Variants in KIF14 observed in about 807,000 individuals in gnomAD.
The protein encoded by KIF14 is kinesin-like protein KIF14.
KIF14 carries 98 observed loss-of-function variants against 176.2 expected under a neutral mutation model. That is an observed-to-expected ratio of 0.56 (90% CI 0.47 to 0.66). The LOEUF (loss-of-function observed/expected upper bound fraction) is 0.66, where lower values mean the gene tolerates loss of function less well. Among genes scored for constraint, KIF14 ranks in the 30% least tolerant of loss-of-function variants. The probability of loss-of-function intolerance (pLI) is 0.00; values close to 1 mark genes in which losing one functional copy is unlikely to be tolerated. For missense variants in KIF14, 1,751 were observed against 1,920.4 expected, an observed-to-expected ratio of 0.91 and a Z score of 1.65; for synonymous variants, 566 against 632.2, an observed-to-expected ratio of 0.90 and a Z score of 1.57.
rs756698470 is a variant in KIF14, at chr1:200,602,045, C to A, written c.2003G>T (p.Gly668Val). 6.2e-7 allele frequency: 1 copy of A among 1,612,164 alleles called. No individual in the cohort carries two copies. The highest frequency in any genetic ancestry group is 8.5e-7 in the Non-Finnish European group (1 of 1,179,482). Residue 668 changes from glycine to valine, a missense_variant, in exon 11 of 30, where the codon GGA becomes GTA. By Grantham distance (109) the Gly-to-Val change is moderately radical. Transcript: ENST00000367350. Reference protein sequence around the residue: ...LTWLLKESLGGNSKTAMIATI... With the variant: ...LTWLLKESLGVNSKTAMIATI... The stretch of plus-strand genomic sequence containing the variant: ...AGCAATCATTGCAGTTTTTGAATTT[C>A]CACCCAGACTTTCTTTTAACAGCCT...
intron 23 of KIF14, among the ~76,000 whole-genome samples, chr1:200,569,205 G>A (rs971525843): frequency 2.6e-5 from 4 of 152,062 alleles, no homozygotes; most frequent in African/African-American, 4.8e-5. Context: ...GATTACAGAC[G>A]TGAGCTACTG....
At chr1:200,588,866 G>A (rs936786288) in intron 18 of KIF14, among the ~76,000 whole-genome samples, 1 of 152,222 alleles carries the variant, frequency 6.6e-6, no homozygotes. Flanking sequence ...GTGACATCAG[G>A]ATGTGACCCA....
intron 25 of KIF14, among the ~76,000 whole-genome samples, chr1:200,563,699 T>C (rs1193030175): frequency 6.6e-6 from 1 of 152,176 alleles, no homozygotes; most frequent in East Asian, 1.9e-4. Context: ...TACTCGGCCA[T>C]TAATTTCTTA....
intron 19 of KIF14, among the ~76,000 whole-genome samples, chr1:200,583,272 A>G (rs1658558517): frequency 6.6e-6 from 1 of 152,186 alleles, no homozygotes; most frequent in Non-Finnish European, 1.5e-5. Flanking sequence ...AATATGGAGT[A>G]AATATGTGAT....
At chr1:200,611,699 A>G (rs751440309) in intron 4 of KIF14, among the ~76,000 whole-genome samples, 2 of 152,156 alleles carry the variant, frequency 1.3e-5, no homozygotes, top group Non-Finnish European at 2.9e-5. Context: ...CATGCTCGCT[A>G]TACCACCTTC....
At position 200,594,935 on chromosome 1, in the gene KIF14, C is replaced by T. The variant is rs538934517; in HGVS notation, c.2550-1166G>A. Reference sequence around the variant, plus strand: ...AATGTGTACTTGTTCTGATCCCTTTCCTCTCCTAATTCTATCTACTCTGCT... The same window carrying T: ...AATGTGTACTTGTTCTGATCCCTTTTCTCTCCTAATTCTATCTACTCTGCT... On this transcript the variant is annotated intron_variant, in intron 14 of 29. Coordinates refer to ENST00000367350, the MANE Select transcript of KIF14 (RefSeq NM_014875.3). Among the ~76,000 whole-genome samples, 204 of 152,262 alleles carry T rather than the reference C, an allele frequency of 1.3e-3. 2 individuals are homozygous for T. The highest frequency in any genetic ancestry group is 1.6e-3 in the Non-Finnish European group (107 of 68,022).
chr1:200,594,439 AAC>A (rs1345807260), intron 14 of KIF14, among the ~76,000 whole-genome samples: 2 of 151,828 alleles, frequency 1.3e-5, no homozygotes, highest in Non-Finnish European at 1.5e-5. Context: ...TTATGAATAA[AAC>A]AGTTTTAAGT....
rs1247681637 is a variant in KIF14 at position 200,605,799 on chromosome 1, A to G, written c.1638+65T>C. On this transcript the variant is annotated intron_variant, in intron 7 of 29. Transcript: ENST00000367350. Reference sequence around the variant, plus strand: ...TGTAAAACAGCAATTAAGAAAAAATATTCTTATAAATATTTAGGATTATGC... The same window carrying G: ...TGTAAAACAGCAATTAAGAAAAAATGTTCTTATAAATATTTAGGATTATGC... 1.7e-4 allele frequency: 178 copies of G among 1,027,766 alleles called. 2 individuals are homozygous for G. In the South Asian group the frequency reaches 2.9e-3, roughly 17 times the overall value. 63.7% of individuals were successfully genotyped at this position (1,027,766 alleles called of 1,614,324 possible). A position where few individuals can be genotyped will look rare whatever the true frequency, so the allele number is the denominator to read the frequency against.
intron 15 of KIF14, among the ~76,000 whole-genome samples, chr1:200,592,727 T>C (rs1315239570): frequency 6.6e-6 from 1 of 152,216 alleles, no homozygotes; most frequent in African/African-American, 2.4e-5. Context: ...TTCTGAGAAG[T>C]ACACTGTTAG....
Position 200,556,830 on chromosome 1 carries a change from T to C in KIF14, c.4354-1376A>G, listed in dbSNP as rs113121762. ...GTGCTGCTGCTGAGCAAAACCAAAT[T>C]TGAGACGTCAGTGGTGGTCTGAATG... On this transcript the variant is annotated intron_variant, in intron 27 of 29. Coordinates refer to ENST00000367350, the MANE Select transcript of KIF14 (RefSeq NM_014875.3). Among the ~76,000 whole-genome samples, 6 of 152,286 alleles carry C rather than the reference T, an allele frequency of 3.9e-5. 1 individual carries two copies. Among genetic ancestry groups the C allele is most frequent in the African/African-American group, 1.4e-4 (6 of 41,548 alleles).
rs577303923 is a variant in KIF14, at chr1:200,616,099, C to T, written c.1113-490G>A. On this transcript the variant is annotated intron_variant, in intron 2 of 29. Coordinates refer to ENST00000367350, the MANE Select transcript of KIF14 (RefSeq NM_014875.3). ...CTCTCCTCCTTCCTCTAGATTCTCTCCCTTAAAATCATGAATCTTTCTGTA... is the reference window on the plus strand; with the variant it reads ...CTCTCCTCCTTCCTCTAGATTCTCTTCCTTAAAATCATGAATCTTTCTGTA... 3.9e-5 allele frequency among the ~76,000 whole-genome samples: 6 copies of T among 152,292 alleles called. No homozygotes were observed. In the South Asian group the frequency reaches 1.2e-3, roughly 32 times the overall value.
intron 20 of KIF14, 86 bp downstream of exon 20, chr1:200,581,115 G>GAAAAAAAAAAAAAAA (rs368717102): frequency 6.9e-5 from 20 of 291,300 alleles, no homozygotes; most frequent in African/African-American, 4.4e-4. Flanking sequence ...CTCTGTCTCA[G>GAAAAAAAAAAAAAAA]AAAAAAAAAA....
In KIF14 at chr1:200,560,987, T is replaced by C. The variant is rs112629891; in HGVS notation, c.4072-107A>G. 20 of 1,011,632 alleles carry C rather than the reference T, an allele frequency of 2.0e-5. 1 individual carries two copies. Among genetic ancestry groups the C allele is most frequent in the African/African-American group, 1.9e-4 (12 of 62,380 alleles). The allele number at this position is 1,011,632 out of a possible 1,614,324, so 62.7% of individuals were successfully genotyped here. A position where few individuals can be genotyped will look rare whatever the true frequency, so the allele number is the denominator to read the frequency against. On this transcript the variant is annotated intron_variant, in intron 25 of 29. Coordinates refer to ENST00000367350, the MANE Select transcript of KIF14 (RefSeq NM_014875.3). ...GGCTCACGCCTGTAATTCCAGCAGT[T>C]TGGGAGGCCGAGGCGGGTGGATCGC...
intron 27 of KIF14, among the ~76,000 whole-genome samples, chr1:200,556,983 T>C (rs913824286): frequency 2.0e-5 from 3 of 152,076 alleles, no homozygotes; most frequent in Non-Finnish European, 4.4e-5. Context: ...TAACAATGTG[T>C]TTTTACTTTT....
At chr1:200,618,892 A>G in intron 1 of KIF14, 54 bp from the exon 2 acceptor site, 2 of 576,458 alleles carry the variant, frequency 3.5e-6, no homozygotes, top group East Asian at 5.7e-5. Flanking sequence ...AGCTTTAAAA[A>G]TATAGAGAGA....
intron 19 of KIF14, among the ~76,000 whole-genome samples, chr1:200,581,613 A>G (rs1658459664): frequency 6.6e-6 from 1 of 151,966 alleles, no homozygotes; most frequent in Non-Finnish European, 1.5e-5. Context: ...TCATTTCTAA[A>G]TTATTTCAAG....
rs568570558 is a variant in KIF14 at position 200,592,095 on chromosome 1, A to G, written c.2798T>C (p.Met933Thr). Residue 933 changes from methionine to threonine, a missense_variant, in exon 16 of 30, where the codon ATG becomes ACG. Physicochemically the swap from Met to Thr is moderately conservative, Grantham distance 81. Transcript: ENST00000367350. Reference sequence around the variant, plus strand: ...GCATACTTACTGTGATCTCTGTGCCATGAGCAACTCATTTTTTGCAAATTC... The same window carrying G: ...GCATACTTACTGTGATCTCTGTGCCGTGAGCAACTCATTTTTTGCAAATTC... The part of the protein sequence containing the change: ...DFEFAKNELL[M>T]AQRSQLEAEI... 12 of 1,613,244 alleles carry G rather than the reference A, an allele frequency of 7.4e-6. No individual in the cohort carries two copies. The Middle Eastern group carries it at 1.5e-3, about 200-fold the overall frequency.
intron 5 of KIF14, 63 bp from the exon 6 acceptor site, chr1:200,606,861 A>G: frequency 1.6e-6 from 2 of 1,284,742 alleles, no homozygotes. Flanking sequence ...ACTTGAAATG[A>G]TCACTTTTTC....
chr1:200,565,465 T>A lies in KIF14; in HGVS notation c.3866A>T (p.Asp1289Val), dbSNP rs904421543. 1 of 1,594,654 alleles carries A rather than the reference T, an allele frequency of 6.3e-7. No homozygotes were observed. Among genetic ancestry groups the A allele is most frequent in the Non-Finnish European group, 8.5e-7 (1 of 1,174,440 alleles). ...CTTACAGTTATCTTGACTTTCTTCA[T>A]CTTGTTCTTCATGAGCCTTGGAAAT... ...FAISKAHEEQ[D>V]EESQDNLFSS... Residue 1289 changes from aspartate (D) to valine (V), a missense_variant, in exon 24 of 30, where the codon GAT becomes GTT. Coordinates refer to ENST00000367350, the MANE Select transcript of KIF14 (RefSeq NM_014875.3).
Sources: gnomAD v4.1 joint callset for allele counts (sites outside exome capture counted in the v4.1 genomes callset) on GRCh38, gnomAD v4.1.1 for gene constraint, MANE v1.5 for transcripts, NCBI Gene and HGNC (gene_info 2026-07-23, HGNC 2026-07-21) for gene names.